The following POP1 variants were observed in gnomAD, a reference collection of about 807,000 sequenced individuals.
POP1 encodes the protein ribonucleases P/MRP protein subunit POP1.
POP1 carries 75 observed loss-of-function variants against 102.2 expected under a neutral mutation model. That is an observed-to-expected ratio of 0.73 (90% CI 0.61 to 0.89). The LOEUF is 0.89. Ranked by LOEUF, POP1 falls within the 40% of genes least tolerant of loss-of-function variation. POP1 has a pLI of 0.00. For synonymous variants in POP1, 436 were observed against 464.1 expected, an observed-to-expected ratio of 0.94 and a Z score of 0.78; for missense variants, 1,116 against 1,267.4, an observed-to-expected ratio of 0.88 and a Z score of 1.81.
At position 98,148,894 on chromosome 8, in the gene POP1, T is replaced by C. The variant is rs1197501226; in HGVS notation, c.1790T>C (p.Ile597Thr). ...GGTCCCCATGAATCCAAGATACCTA[T>C]ACTTTTGATTCAGCAGCCAGGAAAA... ...ILGPHESKIPILLIQQPGKVT... is the reference protein window; with the variant it reads ...ILGPHESKIPTLLIQQPGKVT... The change falls in exon 13 of 16, where the codon ATA becomes ACA. Residue 597 changes from isoleucine to threonine, a missense_variant. Coordinates refer to ENST00000401707, the MANE Select transcript of POP1 (RefSeq NM_001145860.2). The C allele has an allele frequency of 1.2e-6, 2 of 1,613,934 alleles. No homozygotes were observed. Among genetic ancestry groups the C allele is most frequent in the South Asian group, 2.2e-5 (2 of 91,024 alleles).
chr8:98,145,754 A>T (rs1394914286), intron 11 of POP1, among the ~76,000 whole-genome samples: 1 of 152,000 alleles, frequency 6.6e-6, no homozygotes, highest in Non-Finnish European at 1.5e-5. Flanking sequence ...AAAAATACCA[A>T]AATTAGCCAG....
At chr8:98,142,032 C>T (rs1563779814) in intron 11 of POP1, among the ~76,000 whole-genome samples, 1 of 152,088 alleles carries the variant, frequency 6.6e-6, no homozygotes, top group Non-Finnish European at 1.5e-5. Context: ...GTCATTGCCT[C>T]TTTCTTTTCT....
rs984698764 is a variant in POP1 at position 98,136,607 on chromosome 8, A to G, written c.1137A>G (p.Lys379=). 2.5e-6 allele frequency: 4 copies of G among 1,614,040 alleles called. No individual in the cohort carries two copies. In the African/African-American group the frequency reaches 4.0e-5, roughly 16 times the overall value. The change falls in exon 8 of 16, where the codon AAA becomes AAG. Residue 379 remains lysine (K), a synonymous_variant. Coordinates refer to ENST00000401707, the MANE Select transcript of POP1 (RefSeq NM_001145860.2). ...GCCAAACTGAATTGCCTGACGAGAA[A>G]ATTGGCAAGAAAAGAAAAAGGAAAG... ...EKSQTELPDE[K]IGKKRKRKDD... is the part of the protein sequence containing the mutation.
At chr8:98,126,261 GTC>G (rs1563771232) in intron 2 of POP1, among the ~76,000 whole-genome samples, 5 of 152,146 alleles carry the variant, frequency 3.3e-5, no homozygotes, top group Non-Finnish European at 7.3e-5. Flanking sequence ...TTAAGGGAGT[GTC>G]GTTTGGGCTG....
intron 2 of POP1, among the ~76,000 whole-genome samples, chr8:98,124,840 T>A (rs115961914): frequency 0.011 from 1,730 of 152,308 alleles, 30 homozygotes; most frequent in African/African-American, 0.04. Context: ...TAGAACCTTA[T>A]GAAGTGATAG....
rs969020495 is a variant in POP1, at chr8:98,134,667, C to A, written c.1011+8C>A. On this transcript the variant is annotated splice_region_variant and intron_variant, in intron 7 of 15. Coordinates refer to ENST00000401707, the MANE Select transcript of POP1 (RefSeq NM_001145860.2). The stretch of plus-strand genomic sequence containing the variant: ...CATCCAACCCTTAAACAGGTATAAT[C>A]CTTCAGGTTATCTCCCGTCATTCTG... 6.2e-7 allele frequency: 1 copy of A among 1,602,372 alleles called. No homozygotes were observed. Among genetic ancestry groups the A allele is most frequent in the African/African-American group, 1.3e-5 (1 of 74,724 alleles).
At chr8:98,147,366 A>G (rs11996826) in intron 12 of POP1, among the ~76,000 whole-genome samples, 65,188 of 152,100 alleles carry the variant, frequency 0.43, 16,438 homozygotes, top group African/African-American at 0.72. Flanking sequence ...AAAAGCATGT[A>G]CAGGAGCCCA....
chr8:98,131,857 A>G (rs559822352), intron 5 of POP1, among the ~76,000 whole-genome samples: 25 of 152,310 alleles, frequency 1.6e-4, no homozygotes, highest in African/African-American at 6.0e-4. Context: ...CTTTGATTTG[A>G]GAACTCAGCA....
At chr8:98,131,419 A>G (rs1455367304) in intron 5 of POP1, among the ~76,000 whole-genome samples, 1 of 152,220 alleles carries the variant, frequency 6.6e-6, no homozygotes, top group East Asian at 1.9e-4. Flanking sequence ...GTGTTGTAGC[A>G]TGTGTCAGAA....
rs1816250734 is a variant in POP1 at position 98,127,685 on chromosome 8, A to G, written c.233A>G (p.Lys78Arg). The change falls in exon 3 of 16, where the codon AAA (lysine) becomes AGA (arginine). Residue 78 changes from lysine to arginine, a missense_variant. Coordinates refer to ENST00000401707, the MANE Select transcript of POP1 (RefSeq NM_001145860.2). ...DPEVNEQSSS[K>R]GMFRKKGGWK... ...GAAGTGAATGAGCAGTCTTCCTCCA[A>G]AGGGATGTTTAGAAAAAAGGGAGGA... is the stretch of plus-strand genomic sequence containing the variant. 6.2e-7 allele frequency: 1 copy of G among 1,613,944 alleles called. No homozygotes were observed. Among genetic ancestry groups the G allele is most frequent in the African/African-American group, 1.3e-5 (1 of 74,894 alleles).
intron 15 of POP1, 92 bp from the exon 16 acceptor site, chr8:98,157,525 A>G: frequency 7.0e-7 from 1 of 1,437,122 alleles, no homozygotes; most frequent in Non-Finnish European, 9.8e-7. Flanking sequence ...GTATAAAAGA[A>G]TCAAATTAAT....
chr8:98,150,585 C>T lies in POP1; in HGVS notation c.2003C>T (p.Ala668Val). The T allele has an allele frequency of 6.2e-7, 1 of 1,614,146 alleles. No homozygotes were observed. Among genetic ancestry groups the T allele is most frequent in the South Asian group, 1.1e-5 (1 of 91,088 alleles). ...CCAGGCGATTTTCCAGACTGCCCTG[C>T]CGGGATGCTGTTTGCGGAAGAGCAA... ...NVPGDFPDCPAGMLFAEEQAK... is the reference protein window; with the variant it reads ...NVPGDFPDCPVGMLFAEEQAK... The change falls in exon 14 of 16, where the codon GCC (alanine) becomes GTC (valine). Residue 668 changes from alanine to valine, a missense_variant. Physicochemically the swap from Ala to Val is moderately conservative, Grantham distance 64 (BLOSUM62 0). Transcript: ENST00000401707.
intron 11 of POP1, among the ~76,000 whole-genome samples, chr8:98,142,829 A>G (rs1816744138): frequency 6.6e-6 from 1 of 152,216 alleles, no homozygotes; most frequent in South Asian, 2.1e-4. Context: ...AGCTCTTGCA[A>G]GCACTTTGAG....
intron 1 of POP1, among the ~76,000 whole-genome samples, chr8:98,119,972 A>G (rs909379002): frequency 2.0e-4 from 30 of 152,184 alleles, no homozygotes; most frequent in Admixed American, 5.9e-4. Flanking sequence ...TGATTTCCTC[A>G]TATTTTAGTC....
chr8:98,138,721 G>A (rs1031205828), intron 9 of POP1, among the ~76,000 whole-genome samples: 3 of 152,140 alleles, frequency 2.0e-5, no homozygotes, highest in Admixed American at 1.3e-4. Context: ...AGGGTGCCCC[G>A]TAGTAGCTAA....
At chr8:98,146,407 G>A (rs1188942751) in intron 11 of POP1, among the ~76,000 whole-genome samples, 161 bp from the exon 12 acceptor site, 4 of 152,210 alleles carry the variant, frequency 2.6e-5, no homozygotes, top group Admixed American at 2.6e-4. Context: ...CTGTAAAACC[G>A]ACTATAAGAA....
At chr8:98,144,418 G>C (rs1412172747) in intron 11 of POP1, among the ~76,000 whole-genome samples, 1 of 151,970 alleles carries the variant, frequency 6.6e-6, no homozygotes, top group Non-Finnish European at 1.5e-5. Context: ...TGGGATTACA[G>C]GCACATACCA....
intron 5 of POP1, among the ~76,000 whole-genome samples, chr8:98,132,714 T>TA (rs1816412833): frequency 1.3e-5 from 2 of 152,078 alleles, no homozygotes. Flanking sequence ...TCAGGAAGAC[T>TA]AAATGACTGT....
At position 98,134,632 on chromosome 8, in the gene POP1, G is replaced by T. The variant is rs1291927737; in HGVS notation, c.984G>T (p.Trp328Cys). 1.2e-6 allele frequency: 2 copies of T among 1,613,890 alleles called. No individual in the cohort carries two copies. The highest frequency in any genetic ancestry group is 1.7e-6 in the Non-Finnish European group (2 of 1,179,760). ...PGDPSESRQLWIWLHPTLKQD... is the reference protein window; with the variant it reads ...PGDPSESRQLCIWLHPTLKQD... ...ACCCTTCTGAGAGCAGGCAGCTGTGGATCTGGCTGCATCCAACCCTTAAAC... is the reference window on the plus strand; with the variant it reads ...ACCCTTCTGAGAGCAGGCAGCTGTGTATCTGGCTGCATCCAACCCTTAAAC... The change falls in exon 7 of 16, where the codon TGG (tryptophan) becomes TGT (cysteine). Residue 328 changes from tryptophan (W) to cysteine (C), a missense_variant. Coordinates refer to ENST00000401707, the MANE Select transcript of POP1 (RefSeq NM_001145860.2).
Sources: gnomAD v4.1 joint callset for allele counts (sites outside exome capture counted in the v4.1 genomes callset) on GRCh38, gnomAD v4.1.1 for gene constraint, MANE v1.5 for transcripts, NCBI Gene and HGNC (gene_info 2026-07-23, HGNC 2026-07-21) for gene names.